The following IKZF1 variants were observed in gnomAD, a reference collection of about 807,000 sequenced individuals.
IKZF1 encodes DNA-binding protein Ikaros.
Under a neutral mutation model 51.7 loss-of-function variants are expected in IKZF1, and 10 were observed. The observed-to-expected ratio is 0.19, with a 90% CI of 0.12 to 0.33. The LOEUF is 0.33. IKZF1 is among the 10% of genes least tolerant of loss of function. The pLI is 1.00. For missense variants in IKZF1, 484 were observed against 707.5 expected (o/e 0.68, Z 3.58); for synonymous variants, 280 against 282.3 (o/e 0.99, Z 0.08).
chr7:50,316,294 C>T (rs758793977), intron 1 of IKZF1, among the ~76,000 whole-genome samples: 2 of 152,188 alleles, frequency 1.3e-5, no homozygotes, highest in Non-Finnish European at 2.9e-5. Context: ...CCCCTAAGCA[C>T]CAGCCCCCAA....
intron 3 of IKZF1, among the ~76,000 whole-genome samples, chr7:50,336,653 C>T (rs1012012020): frequency 6.6e-6 from 1 of 152,194 alleles, no homozygotes; most frequent in Non-Finnish European, 1.5e-5. Flanking sequence ...TCAGCAGCCC[C>T]GTGGTGTTTG....
At position 50,375,796 on chromosome 7, in the gene IKZF1, TCCCAA is replaced by T. The variant is rs1339217707; in HGVS notation, c.161-736_161-732del. Among the ~76,000 whole-genome samples, 3 of 142,200 alleles carry T rather than the reference TCCCAA, an allele frequency of 2.1e-5. No homozygotes were observed. The Admixed American group carries it at 2.3e-4, about 11-fold the overall frequency. 93.3% of individuals were successfully genotyped at this position (142,200 alleles called of 152,430 possible). ...TCCAGATACCTACATTCATAAACTA[TCCCAA>T]TTAACCCTTCAGCAAGTGGAAGAAG... On this transcript the variant is annotated intron_variant, in intron 3 of 7. Coordinates refer to ENST00000331340, the MANE Select transcript of IKZF1 (RefSeq NM_006060.6).
At position 50,341,826 on chromosome 7, in the gene IKZF1, C is replaced by T. The variant is rs1347542100; in HGVS notation, c.160+14069C>T. Among the ~76,000 whole-genome samples the T allele has an allele frequency of 3.3e-5, 5 of 151,802 alleles. No individual in the cohort carries two copies. In the East Asian group the frequency reaches 5.8e-4, roughly 18 times the overall value. On this transcript the variant is annotated intron_variant, in intron 3 of 7. Transcript: ENST00000331340. ...TTTTTGAACTATGTGTTTGAAACCC[C>T]GGATGTATTTTTTTTTTATCTTCAC... is the stretch of plus-strand genomic sequence containing the variant.
intron 4 of IKZF1, among the ~76,000 whole-genome samples, chr7:50,380,188 C>A (rs778601358): frequency 3.9e-5 from 6 of 152,162 alleles, no homozygotes; most frequent in Non-Finnish European, 1.5e-5. Context: ...TATTGTCACT[C>A]CTGGGAATGC....
chr7:50,304,983 A>C (rs1055222107), intron 1 of IKZF1, 61 bp downstream of exon 1: 9 of 152,654 alleles, frequency 5.9e-5, no homozygotes, highest in African/African-American at 2.2e-4. Context: ...AATTTAAAAA[A>C]AAAAAAACAC....
Position 50,376,941 on chromosome 7 carries a change from C to T in IKZF1, c.421+148C>T. The stretch of plus-strand genomic sequence containing the variant: ...TGCAAGCGATTGGTTCCAAGTGGTA[C>T]CGAGTCATAGAGTCCTTGTTCTGGT... On this transcript the variant is annotated intron_variant, in intron 4 of 7. Coordinates refer to ENST00000331340, the MANE Select transcript of IKZF1 (RefSeq NM_006060.6). This position sits in a 1 kb window ranked among gnomAD's most constrained non-coding sequence, Gnocchi z 4.5. 1 of 1,361,232 alleles carries T rather than the reference C, an allele frequency of 7.3e-7. No homozygotes were observed. Among genetic ancestry groups the T allele is most frequent in the Non-Finnish European group, 9.8e-7 (1 of 1,018,448 alleles). The allele number at this position is 1,361,232 out of a possible 1,614,324, so 84.3% of individuals were successfully genotyped here.
chr7:50,389,591 C>T (rs1814450703), intron 6 of IKZF1, among the ~76,000 whole-genome samples: 1 of 152,206 alleles, frequency 6.6e-6, no homozygotes, highest in East Asian at 1.9e-4. Context: ...TGAATTATTT[C>T]TGTCTGGTAT....
chr7:50,377,113 A>G, intron 4 of IKZF1: 1 of 314,516 alleles, frequency 3.2e-6, no homozygotes, highest in South Asian at 4.9e-5. Context: ...CCCTCAGGGT[A>G]CGTGTGCTGA....
chr7:50,353,877 C>T (rs1461091940), intron 3 of IKZF1, among the ~76,000 whole-genome samples: 1 of 152,196 alleles, frequency 6.6e-6, no homozygotes, highest in Non-Finnish European at 1.5e-5. Flanking sequence ...TCCCGGGTCC[C>T]CCTGCCCCCA....
At position 50,399,993 on chromosome 7, in the gene IKZF1, A is replaced by G. The variant is rs1817712475; in HGVS notation, c.926A>G (p.His309Arg). The G allele has an allele frequency of 1.2e-6, 2 of 1,613,418 alleles. No individual in the cohort carries two copies. Among genetic ancestry groups the G allele is most frequent in the African/African-American group, 2.7e-5 (2 of 75,028 alleles). The change falls in exon 8 of 8, where the codon CAC (histidine) becomes CGC (arginine). Residue 309 changes from histidine to arginine, a missense_variant. This residue lies in a region of IKZF1 where 172 missense variants were observed against 192.7 expected (regional missense o/e 0.89). Transcript: ENST00000331340. ...YEKENEMMKS[H>R]VMDQAINNAI... ...AAGGAGAACGAAATGATGAAGTCCC[A>G]CGTGATGGACCAAGCCATCAACAAC...
chr7:50,399,040 C>T (rs1450045623), intron 7 of IKZF1, among the ~76,000 whole-genome samples: 1 of 152,204 alleles, frequency 6.6e-6, no homozygotes, highest in Non-Finnish European at 1.5e-5. Flanking sequence ...CTCCTATGAA[C>T]TGATGATGTT....
At chr7:50,356,704 G>A (rs1229540719) in intron 3 of IKZF1, among the ~76,000 whole-genome samples, 2 of 152,152 alleles carry the variant, frequency 1.3e-5, no homozygotes, top group African/African-American at 4.8e-5. Flanking sequence ...TCTCGCGGCG[G>A]CTTCCTCTTT....
chr7:50,314,412 T>C (rs575438596), intron 1 of IKZF1, among the ~76,000 whole-genome samples: 1 of 152,348 alleles, frequency 6.6e-6, no homozygotes, highest in East Asian at 1.9e-4. Context: ...GCCCGGCAAC[T>C]ACAATTGTTC....
chr7:50,364,950 A>G (rs890778740), intron 3 of IKZF1, among the ~76,000 whole-genome samples: 8 of 152,182 alleles, frequency 5.3e-5, no homozygotes, highest in African/African-American at 1.4e-4. Context: ...GAATTTGTTC[A>G]TTGAGGGGAC....
intron 3 of IKZF1, among the ~76,000 whole-genome samples, chr7:50,346,677 TC>T (rs1800453136): frequency 6.6e-6 from 1 of 152,116 alleles, no homozygotes; most frequent in African/African-American, 2.4e-5. Context: ...AGAAATCCCA[TC>T]CCCTGCCTCG....
intron 3 of IKZF1, among the ~76,000 whole-genome samples, chr7:50,374,227 C>A (rs1370442255): frequency 6.6e-6 from 1 of 152,178 alleles, no homozygotes; most frequent in Non-Finnish European, 1.5e-5. Context: ...GGAAATTCAA[C>A]CCACTGTGGC....
chr7:50,393,108 G>T (rs536963904), intron 7 of IKZF1, among the ~76,000 whole-genome samples: 1 of 152,278 alleles, frequency 6.6e-6, no homozygotes, highest in African/African-American at 2.4e-5. Flanking sequence ...ACTGGAAAAG[G>T]GAGACTGTGG....
At chr7:50,340,424 C>A (rs1798816185) in intron 3 of IKZF1, among the ~76,000 whole-genome samples, 1 of 152,248 alleles carries the variant, frequency 6.6e-6, no homozygotes, top group African/African-American at 2.4e-5. Flanking sequence ...GGTGTCACTC[C>A]TCACCAGGCT....
chr7:50,316,518 G>A (rs35487792), intron 1 of IKZF1, among the ~76,000 whole-genome samples: 10 of 152,214 alleles, frequency 6.6e-5, no homozygotes, highest in Admixed American at 2.0e-4. Context: ...GACAATAGAC[G>A]CGCTCCAGGA....
Sources: allele counts gnomAD v4.1 joint callset (sites outside exome capture counted in the v4.1 genomes callset), GRCh38; gene constraint gnomAD v4.1.1; regional missense constraint gnomAD v4.1.1; non-coding constraint Gnocchi (gnomAD v3.1); transcripts MANE v1.5; gene names NCBI Gene and HGNC (gene_info 2026-07-23, HGNC 2026-07-21).